Variants in IQCM observed in about 807,000 individuals in gnomAD.
IQCM encodes the protein IQ motif containing M.
In IQCM, 45 loss-of-function variants were observed where a neutral mutation model predicts 57.6. The observed-to-expected ratio is 0.78, with a 90% CI of 0.62 to 1.00. The LOEUF is 1.00. Among genes scored for constraint, IQCM ranks in the 50% least tolerant of loss-of-function variants. The pLI is 0.00. For synonymous variants in IQCM, 148 were observed against 158.9 expected (o/e 0.93, Z 0.51); for missense variants, 468 against 511.6 (o/e 0.91, Z 0.82).
chr4:149,726,189 A>T (rs1020800470), intron 5 of IQCM, among the ~76,000 whole-genome samples: 3 of 152,048 alleles, frequency 2.0e-5, no homozygotes, highest in Non-Finnish European at 4.4e-5. Context: ...CTATATTTTC[A>T]CTTTCACATT....
intron 13 of IQCM, among the ~76,000 whole-genome samples, chr4:149,403,587 T>A (rs2111140545): frequency 6.6e-6 from 1 of 152,022 alleles, no homozygotes; most frequent in Admixed American, 6.6e-5. Context: ...TTTTTCACTA[T>A]GGGAAATGCA....
intron 7 of IQCM, among the ~76,000 whole-genome samples, chr4:149,678,685 GAAGTCCTA>G (rs1467456020): frequency 2.6e-5 from 4 of 151,454 alleles, no homozygotes; most frequent in Non-Finnish European, 4.4e-5. Flanking sequence ...AATCTAGTAT[GAAGTCCTA>G]AAGACAAATC....
At chr4:149,472,801 C>A (rs1739723752) in intron 12 of IQCM, among the ~76,000 whole-genome samples, 1 of 151,980 alleles carries the variant, frequency 6.6e-6, no homozygotes, top group South Asian at 2.1e-4. Context: ...AGAATAGAGC[C>A]CTCAGAAATA....
intron 3 of IQCM, among the ~76,000 whole-genome samples, chr4:149,740,672 C>T (rs1219165738): frequency 1.3e-5 from 1 of 77,374 alleles, no homozygotes; most frequent in Non-Finnish European, 2.4e-5. Context: ...GGGGGTGCTT[C>T]CTTCTTTCAA....
chr4:149,725,736 C>G (rs1765832964), intron 5 of IQCM, among the ~76,000 whole-genome samples: 1 of 152,104 alleles, frequency 6.6e-6, no homozygotes, highest in Non-Finnish European at 1.5e-5. Context: ...AAGTGACCCT[C>G]AGAACTAGTC....
intron 12 of IQCM, among the ~76,000 whole-genome samples, chr4:149,477,170 T>C (rs570025692): frequency 1.3e-5 from 2 of 152,270 alleles, no homozygotes; most frequent in Admixed American, 1.3e-4. Context: ...ATACATAAAG[T>C]TAAAACTAAA....
At chr4:149,439,651 CTA>C (rs1267856384) in intron 12 of IQCM, among the ~76,000 whole-genome samples, 17 of 151,894 alleles carry the variant, frequency 1.1e-4, no homozygotes, top group Non-Finnish European at 2.1e-4. Context: ...TTTAAGTACT[CTA>C]TTTTAAAAAT....
intron 6 of IQCM, among the ~76,000 whole-genome samples, chr4:149,682,625 A>G (rs1369736848): frequency 1.1e-4 from 16 of 151,160 alleles, no homozygotes; most frequent in Admixed American, 1.1e-3. Context: ...TGAGTAAGAA[A>G]AAAAGAAAGA....
chr4:149,510,964 CT>C (rs915624401), intron 12 of IQCM, among the ~76,000 whole-genome samples: 2 of 152,114 alleles, frequency 1.3e-5, no homozygotes, highest in Non-Finnish European at 2.9e-5. Context: ...TAAAGGCATA[CT>C]TTTTTTATAA....
chr4:149,389,042 T>C (rs72724067), intron 13 of IQCM, among the ~76,000 whole-genome samples: 37,109 of 151,638 alleles, frequency 0.24, 5,037 homozygotes, highest in Non-Finnish European at 0.3. Flanking sequence ...TTTTGTCTCA[T>C]AGTCAAGAAA....
intron 7 of IQCM, among the ~76,000 whole-genome samples, chr4:149,623,953 T>TA (rs1006003815): frequency 3.9e-5 from 6 of 152,128 alleles, no homozygotes; most frequent in African/African-American, 7.2e-5. Context: ...GTGTTGAACA[T>TA]AAAAAAATTT....
At chr4:149,437,121 T>C (rs767424280) in intron 12 of IQCM, among the ~76,000 whole-genome samples, 2 of 152,114 alleles carry the variant, frequency 1.3e-5, no homozygotes, top group Non-Finnish European at 2.9e-5. Flanking sequence ...TTCAAAGCCT[T>C]TCTTTTAAAC....
chr4:149,560,947 A>C (rs1444852148), intron 10 of IQCM, among the ~76,000 whole-genome samples: 1 of 152,180 alleles, frequency 6.6e-6, no homozygotes, highest in African/African-American at 2.4e-5. Flanking sequence ...TTCCCCCAAC[A>C]GCAACCCTTC....
intron 12 of IQCM, among the ~76,000 whole-genome samples, chr4:149,464,322 A>G (rs1186356761): frequency 6.6e-6 from 1 of 152,144 alleles, no homozygotes; most frequent in Non-Finnish European, 1.5e-5. Context: ...CTCAATCTCT[A>G]TCTTAAATTC....
chr4:149,795,992 A>T (rs1232916250), intron 2 of IQCM, among the ~76,000 whole-genome samples: 1 of 152,192 alleles, frequency 6.6e-6, no homozygotes, highest in Non-Finnish European at 1.5e-5. Flanking sequence ...TGAGACTCAG[A>T]ACATTGCCAG....
chr4:149,455,971 TGTC>T, intron 12 of IQCM, among the ~76,000 whole-genome samples: 1 of 152,022 alleles, frequency 6.6e-6, no homozygotes, highest in East Asian at 1.9e-4. Flanking sequence ...TGAGACCTTG[TGTC>T]TTAAAAAATA....
chr4:149,685,792 T>C (rs17625226), intron 6 of IQCM, among the ~76,000 whole-genome samples: 31,507 of 151,474 alleles, frequency 0.21, 4,090 homozygotes, highest in Non-Finnish European at 0.28. Context: ...GTTCTATCTA[T>C]AGCTTCAGCA....
chr4:149,500,010 G>C (rs1022231629), intron 12 of IQCM, among the ~76,000 whole-genome samples: 6 of 152,124 alleles, frequency 3.9e-5, no homozygotes, highest in African/African-American at 1.2e-4. Flanking sequence ...CTAGCCCAAG[G>C]CAACAGCCGA....
chr4:149,362,861 G>T (rs1172697853), intron 13 of IQCM, among the ~76,000 whole-genome samples: 1 of 152,114 alleles, frequency 6.6e-6, no homozygotes, highest in Non-Finnish European at 1.5e-5. Context: ...AAACTTCTTG[G>T]GGAAAAACTT....
Sources: allele counts gnomAD v4.1 joint callset (sites outside exome capture counted in the v4.1 genomes callset), GRCh38; gene constraint gnomAD v4.1.1; transcripts MANE v1.5; gene names NCBI Gene and HGNC (gene_info 2026-07-23, HGNC 2026-07-21).